Variants in STAC observed in about 807,000 individuals in gnomAD.
STAC encodes SH3 and cysteine rich domain.
Under a neutral mutation model 48.8 loss-of-function variants are expected in STAC, and 43 were observed. That is an observed-to-expected ratio of 0.88 (90% CI 0.69 to 1.14). STAC has a LOEUF of 1.14. Ranked by LOEUF, STAC falls within the 50% of genes most tolerant of loss-of-function variation. The probability of loss-of-function intolerance (pLI) is 0.00; values close to 1 mark genes in which losing one functional copy is unlikely to be tolerated. For missense variants in STAC, 497 were observed against 504.0 expected, an observed-to-expected ratio of 0.99 and a Z score of 0.13; for synonymous variants, 193 against 179.5, an observed-to-expected ratio of 1.07 and a Z score of -0.60.
chr3:36,504,258 C>T, intron 6 of STAC, 135 bp from the exon 7 acceptor site: 1 of 766,552 alleles, frequency 1.3e-6, no homozygotes, highest in Non-Finnish European at 2.1e-6. Flanking sequence ...CGCTGGGTCA[C>T]AGAGGGTGAG....
chr3:36,441,460 T>C (rs1696347790), intron 1 of STAC, among the ~76,000 whole-genome samples: 1 of 152,214 alleles, frequency 6.6e-6, no homozygotes, highest in Admixed American at 6.5e-5. Context: ...TTTCATCATG[T>C]ACATGTACCA....
intron 1 of STAC, among the ~76,000 whole-genome samples, chr3:36,393,255 T>C (rs1699789352): frequency 1.3e-5 from 2 of 152,186 alleles, no homozygotes; most frequent in South Asian, 4.1e-4. Flanking sequence ...TTTCCTTCAT[T>C]GTAATTACTT....
chr3:36,434,958 C>T (rs1345529034), intron 1 of STAC, among the ~76,000 whole-genome samples: 3 of 152,128 alleles, frequency 2.0e-5, no homozygotes, highest in Non-Finnish European at 2.9e-5. Flanking sequence ...TTACTAAGAG[C>T]ACATCAAGGG....
chr3:36,493,471 T>A (rs968113923), intron 6 of STAC, among the ~76,000 whole-genome samples: 1 of 145,184 alleles, frequency 6.9e-6, no homozygotes, highest in Admixed American at 7.0e-5. Context: ...TTTACTCTTA[T>A]GAGAGTATAT....
chr3:36,494,647 C>G (rs1372757916), intron 6 of STAC, among the ~76,000 whole-genome samples: 1 of 152,204 alleles, frequency 6.6e-6, no homozygotes, highest in Admixed American at 6.5e-5. Flanking sequence ...CACCATGCCC[C>G]CCCTTGCCAG....
Position 36,528,760 on chromosome 3 carries a change from C to T in STAC, c.972+13C>T. The T allele has an allele frequency of 1.2e-6, 2 of 1,600,924 alleles. No homozygotes were observed. Among genetic ancestry groups the T allele is most frequent in the Non-Finnish European group, 1.7e-6 (2 of 1,175,338 alleles). ...AGACTGGTGGAAAGTAAGTGTTCCT[C>T]TTTCTTTAAAAAAAAAAGAGAAAAT... On this transcript the variant is annotated intron_variant, in intron 9 of 10. Coordinates refer to ENST00000273183, the MANE Select transcript of STAC (RefSeq NM_003149.3).
intron 1 of STAC, among the ~76,000 whole-genome samples, chr3:36,394,409 T>C (rs1699815008): frequency 6.6e-6 from 1 of 152,070 alleles, no homozygotes; most frequent in Non-Finnish European, 1.5e-5. Flanking sequence ...TTATCCAAGT[T>C]TGAAAGAAAA....
intron 1 of STAC, among the ~76,000 whole-genome samples, chr3:36,383,983 GT>G (rs2125609899): frequency 6.6e-6 from 1 of 152,306 alleles, no homozygotes; most frequent in Non-Finnish European, 1.5e-5. Context: ...ATAGTTTAAT[GT>G]AATTGTGGGT....
At chr3:36,476,321 G>A (rs1055965330) in intron 2 of STAC, among the ~76,000 whole-genome samples, 1 of 152,214 alleles carries the variant, frequency 6.6e-6, no homozygotes, top group African/African-American at 2.4e-5. Context: ...AAGAGTGGTG[G>A]GTTCCCTGTG....
At chr3:36,512,322 C>T (rs926423932) in intron 8 of STAC, among the ~76,000 whole-genome samples, 2 of 152,072 alleles carry the variant, frequency 1.3e-5, no homozygotes, top group Admixed American at 1.3e-4. Context: ...TAGAATTCCT[C>T]GCTGGGATGA....
chr3:36,499,873 A>T (rs538018814), intron 6 of STAC, among the ~76,000 whole-genome samples: 285 of 152,226 alleles, frequency 1.9e-3, no homozygotes, highest in African/African-American at 6.5e-3. Context: ...GCAAAAAAAA[A>T]TATATAGCTG....
intron 10 of STAC, 134 bp from the exon 11 acceptor site, chr3:36,546,057 C>T: frequency 1.5e-6 from 1 of 672,552 alleles, no homozygotes; most frequent in Non-Finnish European, 2.5e-6. Flanking sequence ...TGCTGGTTTC[C>T]CACCCTAAAA....
chr3:36,519,490 G>A (rs1253293551), intron 8 of STAC, among the ~76,000 whole-genome samples: 1 of 152,100 alleles, frequency 6.6e-6, no homozygotes, highest in Non-Finnish European at 1.5e-5. Flanking sequence ...TTGATCCTAG[G>A]TTCATTGTTC....
At chr3:36,386,511 C>T (rs1180509786) in intron 1 of STAC, among the ~76,000 whole-genome samples, 2 of 151,470 alleles carry the variant, frequency 1.3e-5, no homozygotes, top group Non-Finnish European at 2.9e-5. Flanking sequence ...TTGTGTACTG[C>T]TTATGAAATC....
At chr3:36,430,513 C>A (rs1009550230) in intron 1 of STAC, among the ~76,000 whole-genome samples, 1 of 152,214 alleles carries the variant, frequency 6.6e-6, no homozygotes, top group African/African-American at 2.4e-5. Context: ...ACCAGTGGAG[C>A]ATATGCTAAA....
At chr3:36,451,824 C>T (rs577211656) in intron 2 of STAC, among the ~76,000 whole-genome samples, 21 of 152,260 alleles carry the variant, frequency 1.4e-4, no homozygotes, top group African/African-American at 4.6e-4. Context: ...TTTTGTTTCT[C>T]AGTTGTTCAA....
chr3:36,492,031 AATATATAT>A (rs11267408), intron 5 of STAC, among the ~76,000 whole-genome samples: 418 of 16,358 alleles, frequency 0.026, 8 homozygotes, highest in South Asian at 0.034. Context: ...AAAAAAAAAA[AATATATAT>A]ATATATATAT....
chr3:36,423,827 T>G (rs1700502061), intron 1 of STAC, among the ~76,000 whole-genome samples: 1 of 152,206 alleles, frequency 6.6e-6, no homozygotes, highest in Non-Finnish European at 1.5e-5. Context: ...TAACACATTA[T>G]CGAGCTCTTT....
At chr3:36,491,442 A>G (rs187138512) in intron 5 of STAC, among the ~76,000 whole-genome samples, 1 of 152,334 alleles carries the variant, frequency 6.6e-6, no homozygotes, top group Admixed American at 6.5e-5. Flanking sequence ...GTTTCATAAG[A>G]TTAAATTAAC....
Sources: gnomAD v4.1 joint callset for allele counts (sites outside exome capture counted in the v4.1 genomes callset) on GRCh38, gnomAD v4.1.1 for gene constraint, MANE v1.5 for transcripts, NCBI Gene and HGNC (gene_info 2026-07-23, HGNC 2026-07-21) for gene names.